The following LRRC37A variants were observed in gnomAD, a reference collection of about 807,000 sequenced individuals.
LRRC37A encodes the protein leucine rich repeat containing 37A, also known as leucine-rich repeat-containing protein 37A.
Under a neutral mutation model 35.4 loss-of-function variants are expected in LRRC37A, and 3 were observed. That is an observed-to-expected ratio of 0.08 (90% CI 0.04 to 0.22). The LOEUF is 0.22. Ranked by LOEUF, LRRC37A falls within the 10% of genes least tolerant of loss-of-function variation. The pLI is 1.00. For synonymous variants in LRRC37A, 23 were observed against 215.0 expected, an observed-to-expected ratio of 0.11 and a Z score of 7.81; for missense variants, 67 against 565.3, an observed-to-expected ratio of 0.12 and a Z score of 8.94.
chr17:46,270,815 G>A, the LRRC37A span, among the ~76,000 whole-genome samples: 4 of 152,200 alleles, frequency 2.6e-5, no homozygotes, highest in East Asian at 1.9e-4. Context: ...CAGGAGGATC[G>A]CTTGAACCTA....
At chr17:46,280,246 C>T in the LRRC37A span, among the ~76,000 whole-genome samples, 1 of 152,192 alleles carries the variant, frequency 6.6e-6, no homozygotes, top group South Asian at 2.1e-4. Context: ...CGCCTGTAAT[C>T]CCAGCTACTT....
intron 5 of LRRC37A, among the ~76,000 whole-genome samples, chr17:46,317,169 C>T (rs2051195773): frequency 1.1e-5 from 1 of 89,666 alleles, no homozygotes; most frequent in Non-Finnish European, 3.3e-5. Flanking sequence ...AGGCGCTCCT[C>T]ACATCCCAGA....
chr17:46,278,251 A>G, the LRRC37A span, among the ~76,000 whole-genome samples: 1 of 152,118 alleles, frequency 6.6e-6, no homozygotes, highest in Non-Finnish European at 1.5e-5. Flanking sequence ...CAGCCTGGGT[A>G]GCTTTCTTAT....
At chr17:46,256,477 G>T in the LRRC37A span, among the ~76,000 whole-genome samples, 3 of 152,260 alleles carry the variant, frequency 2.0e-5, no homozygotes, top group African/African-American at 7.2e-5. Context: ...ATGGCAAGAA[G>T]GCAGCCATCT....
At chr17:46,327,105 G>C (rs978038465) in intron 7 of LRRC37A, among the ~76,000 whole-genome samples, 1 of 86,494 alleles carries the variant, frequency 1.2e-5, no homozygotes, top group African/African-American at 3.1e-5. Context: ...GTCAAAGATA[G>C]CTGTCTTGTA....
chr17:46,285,189 G>A, the LRRC37A span, among the ~76,000 whole-genome samples: 1 of 151,252 alleles, frequency 6.6e-6, no homozygotes, highest in Non-Finnish European at 1.5e-5. Context: ...CAATACACCT[G>A]TATCACTTGC....
At chr17:46,278,411 TGTTG>T in the LRRC37A span, among the ~76,000 whole-genome samples, 8 of 113,034 alleles carry the variant, frequency 7.1e-5, no homozygotes, top group South Asian at 2.4e-4. Context: ...GTTTTTTTTT[TGTTG>T]TTGTTTTAAG....
chr17:46,278,396 AT>A, the LRRC37A span, among the ~76,000 whole-genome samples: 1 of 136,038 alleles, frequency 7.4e-6, no homozygotes, highest in Non-Finnish European at 1.6e-5. Context: ...GTTTTGTTTT[AT>A]TTTGTTTTTT....
the LRRC37A span, among the ~76,000 whole-genome samples, chr17:46,258,403 G>A: frequency 2.0e-5 from 3 of 152,290 alleles, no homozygotes; most frequent in South Asian, 6.2e-4. Context: ...TAGAGATGGG[G>A]TTTTACCATG....
At chr17:46,251,196 A>G in the LRRC37A span, among the ~76,000 whole-genome samples, 1 of 151,594 alleles carries the variant, frequency 6.6e-6, no homozygotes. Flanking sequence ...AACTGGGCCA[A>G]TTTTGCTCCC....
At chr17:46,259,479 G>T in the LRRC37A span, 2 of 1,547,856 alleles carry the variant, frequency 1.3e-6, no homozygotes, top group Non-Finnish European at 8.8e-7. Flanking sequence ...GGCCACCCAG[G>T]TTTGCTGGGT....
the LRRC37A span, among the ~76,000 whole-genome samples, chr17:46,270,767 C>G: frequency 6.6e-6 from 1 of 152,144 alleles, no homozygotes; most frequent in Non-Finnish European, 1.5e-5. Context: ...ATTAGCTGGG[C>G]ATGGTGGTGC....
chr17:46,268,593 C>T, the LRRC37A span: 1 of 1,540,486 alleles, frequency 6.5e-7, no homozygotes, highest in Non-Finnish European at 8.8e-7. Flanking sequence ...CCATCTCTGT[C>T]CAGGGGATGG....
the LRRC37A span, among the ~76,000 whole-genome samples, chr17:46,285,819 A>G: frequency 6.6e-6 from 1 of 152,242 alleles, no homozygotes; most frequent in African/African-American, 2.4e-5. Flanking sequence ...CTAACATTGG[A>G]AACTTGAAAT....
chr17:46,287,622 T>C, the LRRC37A span, among the ~76,000 whole-genome samples: 4 of 152,276 alleles, frequency 2.6e-5, no homozygotes, highest in East Asian at 5.8e-4. Flanking sequence ...TAATGGAATA[T>C]GGCATGGGCC....
At chr17:46,280,295 C>T in the LRRC37A span, among the ~76,000 whole-genome samples, 2 of 152,158 alleles carry the variant, frequency 1.3e-5, no homozygotes, top group Non-Finnish European at 2.9e-5. Flanking sequence ...ACGCGGGAAG[C>T]GGAGGTTGCA....
the LRRC37A span, among the ~76,000 whole-genome samples, chr17:46,276,039 T>C: frequency 2.0e-5 from 3 of 152,184 alleles, no homozygotes; most frequent in Non-Finnish European, 4.4e-5. Context: ...TACAGGTGCC[T>C]GCCACCACAC....
chr17:46,278,427 T>TG, the LRRC37A span, among the ~76,000 whole-genome samples: 1 of 151,372 alleles, frequency 6.6e-6, no homozygotes, highest in Non-Finnish European at 1.5e-5. Flanking sequence ...TGTTTTAAGA[T>TG]GGAGTCTTGC....
At chr17:46,279,884 C>G in the LRRC37A span, among the ~76,000 whole-genome samples, 2 of 152,164 alleles carry the variant, frequency 1.3e-5, no homozygotes, top group African/African-American at 2.4e-5. Flanking sequence ...TTAATCATAG[C>G]CTTATGTTTT....
Sources: gnomAD v4.1 joint callset for allele counts (sites outside exome capture counted in the v4.1 genomes callset) on GRCh38, gnomAD v4.1.1 for gene constraint, MANE v1.5 for transcripts, NCBI Gene and HGNC (gene_info 2026-07-23, HGNC 2026-07-21) for gene names.